Variants in CELF2 observed in about 807,000 individuals in gnomAD.
CELF2 encodes the protein CUG triplet repeat RNA-binding protein 2.
CELF2 carries 8 observed loss-of-function variants against 62.6 expected under a neutral mutation model. That is an observed-to-expected ratio of 0.13 (90% CI 0.07 to 0.23). The LOEUF (loss-of-function observed/expected upper bound fraction) is 0.23. Ranked by LOEUF, CELF2 falls within the 10% of genes least tolerant of loss-of-function variation. The pLI, the probability that CELF2 is intolerant of heterozygous loss-of-function variation, is 1.00. For synonymous variants in CELF2, 258 were observed against 250.0 expected (o/e 1.03, Z -0.30); for missense variants, 333 against 671.0 (o/e 0.50, Z 5.56).
chr10:10,843,825 C>T (rs1156342592), intron 1 of CELF2, among the ~76,000 whole-genome samples: 1 of 151,912 alleles, frequency 6.6e-6, no homozygotes, highest in East Asian at 1.9e-4. Context: ...CTGAATCTGT[C>T]CCAGTTGTCT....
chr10:11,163,520 G>T (rs2066215462), intron 1 of CELF2, among the ~76,000 whole-genome samples: 1 of 152,166 alleles, frequency 6.6e-6, no homozygotes. Context: ...AAAAGGATAG[G>T]TGCATAAGAA....
At chr10:10,856,774 G>A (rs1168668551) in intron 1 of CELF2, among the ~76,000 whole-genome samples, 1 of 152,056 alleles carries the variant, frequency 6.6e-6, no homozygotes, top group South Asian at 2.1e-4. Context: ...CTTATTGATT[G>A]GGTGATTCCC....
chr10:11,302,296 T>G lies in CELF2; in HGVS notation c.977-11843T>G, dbSNP rs187797268. ...TGGAATTTGACAGCACCGCATCGGA[T>G]AGTCCTGACACACGTGGTTCTCTAA... On this transcript the variant is annotated intron_variant, in intron 9 of 12. Coordinates refer to ENST00000633077, the MANE Select transcript of CELF2 (RefSeq NM_001326342.2). The surrounding 1 kb of genome is among the most constrained non-coding windows in gnomAD (Gnocchi z 5.0). Among the ~76,000 whole-genome samples the G allele has an allele frequency of 3.1e-4, 47 of 152,338 alleles. No individual in the cohort carries two copies. Among genetic ancestry groups the G allele is most frequent in the African/African-American group, 1.1e-3 (47 of 41,572 alleles).
the CELF2 span, among the ~76,000 whole-genome samples, chr10:10,707,577 C>A: frequency 6.6e-6 from 1 of 152,124 alleles, no homozygotes; most frequent in African/African-American, 2.4e-5. Context: ...CCATCCCTCC[C>A]CATCAGAGGT....
the CELF2 span, among the ~76,000 whole-genome samples, chr10:10,731,820 C>G: frequency 1.3e-5 from 2 of 152,092 alleles, no homozygotes; most frequent in Non-Finnish European, 2.9e-5. Context: ...TGAGAGGGTC[C>G]ATAGCAAACA....
At chr10:11,170,530 C>T (rs939642562) in intron 2 of CELF2, among the ~76,000 whole-genome samples, 2 of 151,930 alleles carry the variant, frequency 1.3e-5, no homozygotes, top group Non-Finnish European at 2.9e-5. Context: ...AGGAAAGATA[C>T]AGAGTCATAG....
At chr10:10,598,777 T>C in the CELF2 span, among the ~76,000 whole-genome samples, 3 of 142,626 alleles carry the variant, frequency 2.1e-5, no homozygotes, top group African/African-American at 8.1e-5. Context: ...TTTTTTTTTT[T>C]TGAGACAGAG....
chr10:11,226,600 CCACACACACACACACACACACACA>C (rs59521803), intron 3 of CELF2, among the ~76,000 whole-genome samples: 6 of 25,964 alleles, frequency 2.3e-4, no homozygotes, highest in African/African-American at 3.6e-4. Flanking sequence ...CAGGCAGTGG[CCACACACACACACACACACACACA>C]CACACACACA....
At chr10:10,810,228 C>A (rs549441922) in intron 1 of CELF2, among the ~76,000 whole-genome samples, 1 of 152,260 alleles carries the variant, frequency 6.6e-6, no homozygotes, top group East Asian at 1.9e-4. Context: ...ATACAAAATA[C>A]AATCGTGTAC....
the CELF2 span, among the ~76,000 whole-genome samples, chr10:10,561,046 A>T: frequency 6.6e-6 from 1 of 152,148 alleles, no homozygotes; most frequent in Non-Finnish European, 1.5e-5. Flanking sequence ...GACAGATAAA[A>T]GATATTAAAT....
intron 1 of CELF2, among the ~76,000 whole-genome samples, chr10:10,818,097 G>T (rs1034650774): frequency 2.6e-5 from 4 of 152,122 alleles, no homozygotes; most frequent in Admixed American, 1.3e-4. Context: ...ATCACCAAGG[G>T]TATTTCATTG....
the CELF2 span, among the ~76,000 whole-genome samples, chr10:10,648,692 C>A: frequency 6.6e-6 from 1 of 152,098 alleles, no homozygotes; most frequent in South Asian, 2.1e-4. Flanking sequence ...TCTCTTACAG[C>A]TTGTTGAAGA....
chr10:10,773,417 T>C, the CELF2 span, among the ~76,000 whole-genome samples: 1 of 152,236 alleles, frequency 6.6e-6, no homozygotes, highest in Non-Finnish European at 1.5e-5. Flanking sequence ...CCGACATTAT[T>C]TGCAGTGGTT....
At chr10:10,592,035 C>G in the CELF2 span, among the ~76,000 whole-genome samples, 7 of 152,058 alleles carry the variant, frequency 4.6e-5, no homozygotes, top group Non-Finnish European at 1.0e-4. Flanking sequence ...AAAAAAAATC[C>G]GTAATCAACA....
At chr10:11,051,155 C>A (rs1485404123) in intron 1 of CELF2, among the ~76,000 whole-genome samples, 1 of 152,138 alleles carries the variant, frequency 6.6e-6, no homozygotes, top group Non-Finnish European at 1.5e-5. Context: ...TGAGCTCAAT[C>A]TCTATAGTCT....
chr10:11,168,318 C>T (rs928046013), intron 2 of CELF2, among the ~76,000 whole-genome samples: 2 of 152,140 alleles, frequency 1.3e-5, no homozygotes, highest in African/African-American at 4.8e-5. Flanking sequence ...TCAGCCAAAG[C>T]TTGAAAGAGC....
chr10:10,485,999 A>G, the CELF2 span, among the ~76,000 whole-genome samples: 2 of 152,232 alleles, frequency 1.3e-5, no homozygotes, highest in South Asian at 2.1e-4. Flanking sequence ...CCATTTTCCA[A>G]TGAGTTAATT....
chr10:10,654,812 A>G, the CELF2 span, among the ~76,000 whole-genome samples: 1 of 150,332 alleles, frequency 6.7e-6, no homozygotes, highest in Non-Finnish European at 1.5e-5. Context: ...CTGGCACAGG[A>G]CAGGGATGCC....
intron 1 of CELF2, among the ~76,000 whole-genome samples, chr10:10,834,052 G>A (rs754474083): frequency 3.3e-5 from 5 of 152,136 alleles, no homozygotes; most frequent in Non-Finnish European, 7.4e-5. Context: ...GCAAAGACAC[G>A]GAATCAACCT....
Sources: allele counts gnomAD v4.1 joint callset (sites outside exome capture counted in the v4.1 genomes callset), GRCh38; gene constraint gnomAD v4.1.1; non-coding constraint Gnocchi (gnomAD v3.1); transcripts MANE v1.5; gene names NCBI Gene and HGNC (gene_info 2026-07-23, HGNC 2026-07-21).